The following CXCL13 variants were observed in gnomAD, a reference collection of about 807,000 sequenced individuals.
The protein encoded by CXCL13 is C-X-C motif chemokine 13.
CXCL13 carries 7 observed loss-of-function variants against 12.2 expected under a neutral mutation model. That is an observed-to-expected ratio of 0.57 (90% CI 0.33 to 1.07). CXCL13 has a LOEUF of 1.07. Among genes scored for constraint, CXCL13 ranks in the 50% least tolerant of loss-of-function variants. The pLI, the probability that CXCL13 is intolerant of heterozygous loss-of-function variation, is 0.04. For synonymous variants in CXCL13, 47 were observed against 42.4 expected, an observed-to-expected ratio of 1.11 and a Z score of -0.42; for missense variants, 113 against 127.4, an observed-to-expected ratio of 0.89 and a Z score of 0.55.
intron 1 of CXCL13, among the ~76,000 whole-genome samples, chr4:77,550,578 G>A (rs1359191542): frequency 1.3e-5 from 2 of 152,152 alleles, no homozygotes; most frequent in Non-Finnish European, 2.9e-5. Flanking sequence ...ATTTGCAGAT[G>A]AGAAAAATAT....
intron 1 of CXCL13, among the ~76,000 whole-genome samples, chr4:77,548,376 G>A (rs1225484868): frequency 1.3e-5 from 2 of 152,202 alleles, no homozygotes; most frequent in Non-Finnish European, 2.9e-5. Context: ...TTCCAGTCAT[G>A]TGCAAGTTTA....
chr4:77,586,147 C>T (rs1351802976), intron 1 of CXCL13, among the ~76,000 whole-genome samples: 1 of 151,972 alleles, frequency 6.6e-6, no homozygotes, highest in African/African-American at 2.4e-5. Context: ...GTCCTTTTCA[C>T]ATTTATCCTG....
chr4:77,535,736 C>G (rs572392158), intron 1 of CXCL13, among the ~76,000 whole-genome samples: 2 of 152,150 alleles, frequency 1.3e-5, no homozygotes, highest in Non-Finnish European at 2.9e-5. Flanking sequence ...TGACCAACCA[C>G]TCAGCTGAAG....
chr4:77,563,289 A>G (rs2109814096), intron 1 of CXCL13, among the ~76,000 whole-genome samples: 1 of 152,278 alleles, frequency 6.6e-6, no homozygotes, highest in East Asian at 1.9e-4. Flanking sequence ...GCAAAGACCG[A>G]TGAGAGTTAG....
intron 1 of CXCL13, among the ~76,000 whole-genome samples, chr4:77,544,703 T>C (rs1185997758): frequency 6.6e-6 from 1 of 152,248 alleles, no homozygotes; most frequent in African/African-American, 2.4e-5. Context: ...GGTTGCCTGT[T>C]CACTCTGATG....
intron 1 of CXCL13, among the ~76,000 whole-genome samples, chr4:77,556,340 AC>A (rs1258988347): frequency 2.0e-5 from 3 of 152,352 alleles, no homozygotes; most frequent in African/African-American, 7.2e-5. Context: ...GAAGCCAGAC[AC>A]AAAAGAATAC....
intron 1 of CXCL13, among the ~76,000 whole-genome samples, chr4:77,513,909 C>A (rs1180066421): frequency 1.3e-5 from 2 of 151,674 alleles, no homozygotes; most frequent in Non-Finnish European, 2.9e-5. Context: ...CAACCACTAA[C>A]TCGTCATCTA....
chr4:77,594,429 A>G (rs911887690), intron 1 of CXCL13, among the ~76,000 whole-genome samples: 8 of 152,184 alleles, frequency 5.3e-5, no homozygotes, highest in African/African-American at 1.7e-4. Context: ...ATAATGAGAC[A>G]ATAGGCTGGT....
At chr4:77,577,763 TCTCC>T (rs767712801) in intron 1 of CXCL13, among the ~76,000 whole-genome samples, 1 of 152,250 alleles carries the variant, frequency 6.6e-6, no homozygotes, top group Non-Finnish European at 1.5e-5. Context: ...TCTCACTTTC[TCTCC>T]CTCATGTACC....
intron 1 of CXCL13, among the ~76,000 whole-genome samples, chr4:77,543,406 T>A (rs1420245314): frequency 6.6e-6 from 1 of 152,108 alleles, no homozygotes. Flanking sequence ...GCTTTGGGGT[T>A]AGCTCATTCT....
chr4:77,523,275 G>A (rs548010126), intron 1 of CXCL13, among the ~76,000 whole-genome samples: 1 of 152,312 alleles, frequency 6.6e-6, no homozygotes, highest in South Asian at 2.1e-4. Flanking sequence ...TGTTGGGGAA[G>A]TTCTCCTGGA....
At chr4:77,540,920 T>C (rs1725192296) in intron 1 of CXCL13, among the ~76,000 whole-genome samples, 1 of 152,176 alleles carries the variant, frequency 6.6e-6, no homozygotes, top group Non-Finnish European at 1.5e-5. Context: ...CACCATCTGT[T>C]AGTTTTTGAC....
chr4:77,532,630 C>G (rs56033006), intron 1 of CXCL13, among the ~76,000 whole-genome samples: 4,288 of 152,262 alleles, frequency 0.028, 205 homozygotes, highest in African/African-American at 0.098. Context: ...GGATAATATC[C>G]TGTAGAGTGT....
chr4:77,516,148 G>T (rs1244899596), intron 1 of CXCL13, among the ~76,000 whole-genome samples: 2 of 152,186 alleles, frequency 1.3e-5, no homozygotes, highest in African/African-American at 4.8e-5. Context: ...TTGCATCCCA[G>T]AGATGAAGCC....
At chr4:77,518,453 T>G (rs1724487560) in intron 1 of CXCL13, among the ~76,000 whole-genome samples, 1 of 152,202 alleles carries the variant, frequency 6.6e-6, no homozygotes, top group Non-Finnish European at 1.5e-5. Flanking sequence ...AGATTTGGTC[T>G]TTTCACATAG....
Position 77,558,122 on chromosome 4 carries a change from A to G in CXCL13, c.-43+46334A>G, listed in dbSNP as rs187796535. ...GAACCCTTAGAAACCAATACTATCT[A>G]TACTCTTCTAGTTCTTGTTTATAAA... On this transcript the variant is annotated intron_variant, in intron 1 of 4. Coordinates refer to the CXCL13 transcript ENST00000286758. Among the ~76,000 whole-genome samples, 316 of 152,316 alleles carry G rather than the reference A, an allele frequency of 2.1e-3. 2 individuals are homozygous for G. The highest frequency in any genetic ancestry group is 7.3e-3 in the African/African-American group (303 of 41,560).
chr4:77,517,047 C>T (rs1578031457), intron 1 of CXCL13, among the ~76,000 whole-genome samples: 2 of 152,010 alleles, frequency 1.3e-5, no homozygotes, highest in African/African-American at 4.8e-5. Context: ...TTTATTTCTG[C>T]CTTCATTTTG....
chr4:77,554,509 A>G (rs1578051396), intron 1 of CXCL13, among the ~76,000 whole-genome samples: 2 of 152,318 alleles, frequency 1.3e-5, no homozygotes, highest in East Asian at 3.9e-4. Context: ...GGGAATTTCA[A>G]ATCTCTTCTC....
At position 77,552,583 on chromosome 4, in the gene CXCL13, G is replaced by A. The variant is rs561771241; in HGVS notation, c.-43+40795G>A. Among the ~76,000 whole-genome samples, 30 of 152,364 alleles carry A rather than the reference G, an allele frequency of 2.0e-4. No homozygotes were observed. The East Asian group carries it at 4.2e-3, about 22-fold the overall frequency. On this transcript the variant is annotated intron_variant, in intron 1 of 4. Transcript: ENST00000286758. Reference sequence around the variant, plus strand: ...TCCCTCCTTACCCCTGGAGAGGCAGGGGGCAAGATGTGTGGGGCTGGACCA... The same window carrying A: ...TCCCTCCTTACCCCTGGAGAGGCAGAGGGCAAGATGTGTGGGGCTGGACCA...
Sources: allele counts gnomAD v4.1 joint callset (sites outside exome capture counted in the v4.1 genomes callset), GRCh38; gene constraint gnomAD v4.1.1; transcripts MANE v1.5; gene names NCBI Gene and HGNC (gene_info 2026-07-23, HGNC 2026-07-21).